C10orf53: variants seen among roughly 807,000 people sequenced by gnomAD.
The protein encoded by C10orf53 is UPF0728 protein C10orf53.
C10orf53 carries 8 observed loss-of-function variants against 9.4 expected under a neutral mutation model. The ratio of observed to expected loss-of-function variants is 0.85; its 90% confidence interval spans 0.50 to 1.53. The LOEUF is 1.53. Ranked by LOEUF, C10orf53 falls within the 40% of genes most tolerant of loss-of-function variation. The probability of loss-of-function intolerance (pLI) is 0.00; values close to 1 mark genes in which losing one functional copy is unlikely to be tolerated. For missense variants in C10orf53, 117 were observed against 117.8 expected, an observed-to-expected ratio of 0.99 and a Z score of 0.03; for synonymous variants, 48 against 46.0, an observed-to-expected ratio of 1.04 and a Z score of -0.18.
intron 1 of C10orf53, among the ~76,000 whole-genome samples, chr10:49,683,828 C>T (rs1018557099): frequency 3.3e-5 from 5 of 152,026 alleles, no homozygotes; most frequent in African/African-American, 9.7e-5. Flanking sequence ...CCCTGGAGGC[C>T]GAGGTTGCAG....
downstream of C10orf53, among the ~76,000 whole-genome samples, chr10:49,701,635 G>A (rs551286997): frequency 6.6e-6 from 1 of 152,276 alleles, no homozygotes; most frequent in East Asian, 1.9e-4. Flanking sequence ...GGAAGGCCAT[G>A]CTGTGTTCTC....
At position 49,695,925 on chromosome 10, in the gene C10orf53, A is replaced by G. The variant is rs188560950; in HGVS notation, c.*1323A>G. The G allele has an allele frequency of 1.3e-4, 20 of 152,322 alleles. No individual in the cohort carries two copies. In the South Asian group the frequency reaches 2.3e-3, roughly 17 times the overall value. The allele number at this position is 152,322 out of a possible 1,614,324, so 9.4% of individuals were successfully genotyped here. On this transcript the variant is annotated 3_prime_UTR_variant, in exon 3 of 3. Transcript: ENST00000374111. ...TTTTCAAAACCCAGTTTAAGTTACT[A>G]TAGATGTAGCATTCAATCTTTGTTT... is the stretch of plus-strand genomic sequence containing the variant.
At chr10:49,694,400 C>G in intron 2 of C10orf53, 138 bp from the exon 3 acceptor site, 1 of 1,193,132 alleles carries the variant, frequency 8.4e-7, no homozygotes, top group East Asian at 2.5e-5. Context: ...TCCACTAACA[C>G]TCTATTAAAA....
intron 1 of C10orf53, among the ~76,000 whole-genome samples, chr10:49,688,959 A>G (rs1164665121): frequency 6.6e-6 from 1 of 152,104 alleles, no homozygotes; most frequent in Non-Finnish European, 1.5e-5. Context: ...ACTCACCTGT[A>G]TACCTTGTTA....
At chr10:49,708,639 G>A in exon 3 of C10orf53, 1 of 1,610,126 alleles carries the variant, frequency 6.2e-7, no homozygotes, top group Non-Finnish European at 8.5e-7. Context: ...CAGATTGTGG[G>A]AAAGGGGTTC....
chr10:49,703,105 C>T (rs942023525), intron 2 of C10orf53, among the ~76,000 whole-genome samples: 1 of 152,132 alleles, frequency 6.6e-6, no homozygotes, highest in Non-Finnish European at 1.5e-5. Context: ...CCATGCCAGA[C>T]TAGAGTCAAG....
downstream of C10orf53, among the ~76,000 whole-genome samples, chr10:49,700,379 C>T (rs377602375): frequency 5.3e-5 from 8 of 152,176 alleles, no homozygotes; most frequent in East Asian, 1.2e-3. Flanking sequence ...GCATTTCCCC[C>T]CAAGGGGAAT....
chr10:49,709,385 T>C (rs956857754), exon 3 of C10orf53: 4 of 152,232 alleles, frequency 2.6e-5, no homozygotes, highest in African/African-American at 9.7e-5. Flanking sequence ...AAGCTGCCGT[T>C]TCTGGCCTCG....
downstream of C10orf53, among the ~76,000 whole-genome samples, chr10:49,699,414 C>T (rs374133881): frequency 3.6e-4 from 55 of 151,830 alleles, no homozygotes; most frequent in African/African-American, 1.2e-3. Context: ...AGGCTGGTCT[C>T]GAATTCCTGG....
At chr10:49,709,577 G>C (rs1411848279) in exon 3 of C10orf53, 1 of 152,318 alleles carries the variant, frequency 6.6e-6, no homozygotes, top group Non-Finnish European at 1.5e-5. Context: ...ATCTCAGCCA[G>C]AACCAGCTCT....
downstream of C10orf53, among the ~76,000 whole-genome samples, chr10:49,702,012 G>A (rs1489896559): frequency 6.6e-6 from 1 of 152,044 alleles, no homozygotes; most frequent in African/African-American, 2.4e-5. Context: ...GATCAGCCTG[G>A]CTAACATGGT....
chr10:49,700,762 T>G (rs2132888927), downstream of C10orf53, among the ~76,000 whole-genome samples: 1 of 152,260 alleles, frequency 6.6e-6, no homozygotes, highest in Admixed American at 6.5e-5. Flanking sequence ...GCAATGGCCT[T>G]CAGAGTCTCA....
rs559677316 is a variant in C10orf53, at chr10:49,696,199, C to T, written c.*1597C>T. 6.6e-6 allele frequency among the ~76,000 whole-genome samples: 1 copy of T among 152,178 alleles called. No homozygotes were observed. Among genetic ancestry groups the T allele is most frequent in the Non-Finnish European group, 1.5e-5 (1 of 68,014 alleles). ...ATTTTAGATACAGGGGGTACATGGG[C>T]AGGTATGTTGAATCTTTTTTTAAAC... is the stretch of plus-strand genomic sequence containing the variant. On this transcript the variant is annotated 3_prime_UTR_variant, in exon 3 of 3. Coordinates refer to ENST00000374111, the MANE Select transcript of C10orf53 (RefSeq NM_001042427.3).
chr10:49,709,973 C>CTG (rs71026266), exon 3 of C10orf53: 763 of 31,406 alleles, frequency 0.024, 12 homozygotes, highest in African/African-American at 0.033. Context: ...GTGTGTGTGT[C>CTG]TGTGTGTGTG....
At chr10:49,707,108 A>C (rs1353147975) in intron 2 of C10orf53, among the ~76,000 whole-genome samples, 1 of 152,004 alleles carries the variant, frequency 6.6e-6, no homozygotes, top group Non-Finnish European at 1.5e-5. Flanking sequence ...GGCATTCATC[A>C]ATGATCTAGC....
chr10:49,679,870 G>A (rs1373386972), intron 1 of C10orf53, 76 bp downstream of exon 1: 2 of 1,319,556 alleles, frequency 1.5e-6, no homozygotes, highest in Non-Finnish European at 2.0e-6. Context: ...CTGTGCCTAG[G>A]CCTTCCTCAG....
At chr10:49,699,921 G>T (rs890694621), downstream of C10orf53, among the ~76,000 whole-genome samples, 1 of 152,132 alleles carries the variant, frequency 6.6e-6, no homozygotes, top group Non-Finnish European at 1.5e-5. Context: ...TTGCCTGAGG[G>T]GAAGAGCCTC....
chr10:49,702,367 G>A (rs2132890336), downstream of C10orf53, among the ~76,000 whole-genome samples: 1 of 152,252 alleles, frequency 6.6e-6, no homozygotes, highest in Non-Finnish European at 1.5e-5. Flanking sequence ...GAGTTTCTGT[G>A]AGGATATTTC....
At chr10:49,703,727 C>T (rs1216184534) in intron 2 of C10orf53, among the ~76,000 whole-genome samples, 1 of 152,200 alleles carries the variant, frequency 6.6e-6, no homozygotes, top group Non-Finnish European at 1.5e-5. Flanking sequence ...CTTCCTCCCG[C>T]TGGATATAAC....
Sources: gnomAD v4.1 joint callset for allele counts (sites outside exome capture counted in the v4.1 genomes callset) on GRCh38, gnomAD v4.1.1 for gene constraint, MANE v1.5 for transcripts, NCBI Gene and HGNC (gene_info 2026-07-23, HGNC 2026-07-21) for gene names.